Variants in RBMS3 observed in about 807,000 individuals in gnomAD.
RBMS3 encodes RNA-binding motif, single-stranded-interacting protein 3.
Under a neutral mutation model 66.8 loss-of-function variants are expected in RBMS3, and 27 were observed. The observed-to-expected ratio is 0.40, with a 90% CI of 0.30 to 0.56. The LOEUF (loss-of-function observed/expected upper bound fraction) is 0.56. Among genes scored for constraint, RBMS3 ranks in the 20% least tolerant of loss-of-function variants. The pLI is 0.40. For missense variants in RBMS3, 513 were observed against 549.5 expected, an observed-to-expected ratio of 0.93 and a Z score of 0.66; for synonymous variants, 188 against 183.0, an observed-to-expected ratio of 1.03 and a Z score of -0.22.
At chr3:29,968,671 C>T (rs1697025752) in intron 12 of RBMS3, among the ~76,000 whole-genome samples, 1 of 152,210 alleles carries the variant, frequency 6.6e-6, no homozygotes. Flanking sequence ...GTTCCCACTT[C>T]CTCAGTTGGG....
intron 1 of RBMS3, among the ~76,000 whole-genome samples, chr3:29,315,555 A>T (rs970141639): frequency 3.3e-5 from 5 of 151,750 alleles, no homozygotes; most frequent in Non-Finnish European, 5.9e-5. Context: ...TCAGTAACTT[A>T]CTTTTTTATC....
chr3:29,999,854 C>T (rs997883427), intron 14 of RBMS3, among the ~76,000 whole-genome samples: 1 of 151,938 alleles, frequency 6.6e-6, no homozygotes, highest in Non-Finnish European at 1.5e-5. Flanking sequence ...CACATGTGTA[C>T]ATATGTAACA....
intron 5 of RBMS3, among the ~76,000 whole-genome samples, chr3:29,755,817 C>T (rs2055386372): frequency 6.6e-6 from 1 of 152,144 alleles, no homozygotes; most frequent in Admixed American, 6.5e-5. Context: ...AATGGAAAAC[C>T]AGTAAACAAA....
At chr3:29,880,907 C>T (rs1577060758) in intron 7 of RBMS3, 1 of 1,315,242 alleles carries the variant, frequency 7.6e-7, no homozygotes, top group South Asian at 1.3e-5. Flanking sequence ...GGTACCTACT[C>T]TAGTTACTCA....
At chr3:29,346,479 C>G (rs906891410) in intron 1 of RBMS3, among the ~76,000 whole-genome samples, 3 of 139,092 alleles carry the variant, frequency 2.2e-5, no homozygotes, top group Non-Finnish European at 4.5e-5. Context: ...TCTCAGCTCA[C>G]TGCAACCTCC....
chr3:29,622,627 G>A (rs1459174613), intron 4 of RBMS3, among the ~76,000 whole-genome samples: 1 of 152,170 alleles, frequency 6.6e-6, no homozygotes, highest in Non-Finnish European at 1.5e-5. Context: ...CATTGTCTAG[G>A]AGAGGACCTG....
chr3:29,802,670 TTTAC>T (rs2057426775), intron 6 of RBMS3, among the ~76,000 whole-genome samples: 1 of 152,210 alleles, frequency 6.6e-6, no homozygotes, highest in Admixed American at 6.5e-5. Flanking sequence ...TGCTACTTAT[TTTAC>T]TTTTAGTCTA....
At chr3:29,844,198 A>G (rs1329030243) in intron 6 of RBMS3, among the ~76,000 whole-genome samples, 1 of 152,164 alleles carries the variant, frequency 6.6e-6, no homozygotes, top group Non-Finnish European at 1.5e-5. Flanking sequence ...AAATAACTGA[A>G]CATTTTTACT....
At chr3:29,596,703 G>A (rs181116532) in intron 4 of RBMS3, among the ~76,000 whole-genome samples, 105 of 152,260 alleles carry the variant, frequency 6.9e-4, no homozygotes, top group South Asian at 2.9e-3. Context: ...TCTCTTCAGC[G>A]GAGCTTGGCT....
chr3:29,606,006 A>G (rs555666228), intron 4 of RBMS3, among the ~76,000 whole-genome samples: 2 of 149,668 alleles, frequency 1.3e-5, no homozygotes, highest in East Asian at 3.9e-4. Context: ...AAGTGTATAT[A>G]TATCTTATGA....
chr3:29,394,965 A>T (rs762670683), intron 1 of RBMS3, among the ~76,000 whole-genome samples: 1 of 152,134 alleles, frequency 6.6e-6, no homozygotes, highest in Non-Finnish European at 1.5e-5. Flanking sequence ...AGTTCAATCG[A>T]GTCTGCTCTG....
intron 5 of RBMS3, among the ~76,000 whole-genome samples, chr3:29,762,220 C>T (rs12715160): frequency 0.48 from 72,825 of 151,890 alleles, 18,038 homozygotes; most frequent in African/African-American, 0.6. Flanking sequence ...ATTGAGAAAG[C>T]ATAGAACCTA....
At chr3:29,842,131 G>T (rs9846015) in intron 6 of RBMS3, among the ~76,000 whole-genome samples, 2,294 of 152,122 alleles carry the variant, frequency 0.015, 50 homozygotes, top group African/African-American at 0.051. Flanking sequence ...AGTAAAATGA[G>T]GTTCCTAAGT....
chr3:29,512,688 C>A (rs1242396300), intron 3 of RBMS3, among the ~76,000 whole-genome samples: 1 of 152,234 alleles, frequency 6.6e-6, no homozygotes, highest in African/African-American at 2.4e-5. Context: ...CAAAAAGCGG[C>A]GGTGGTACAG....
intron 1 of RBMS3, among the ~76,000 whole-genome samples, chr3:29,359,507 C>A (rs150604360): frequency 6.6e-6 from 1 of 152,048 alleles, no homozygotes; most frequent in African/African-American, 2.4e-5. Context: ...CTAAAATTCT[C>A]TTTTTTTGTT....
chr3:29,891,553 T>C (rs1195312248), intron 8 of RBMS3, among the ~76,000 whole-genome samples: 1 of 151,548 alleles, frequency 6.6e-6, no homozygotes, highest in Non-Finnish European at 1.5e-5. Flanking sequence ...TGAAATTCCA[T>C]CCCTTTGAAA....
intron 14 of RBMS3, among the ~76,000 whole-genome samples, chr3:29,995,121 A>G (rs1219728657): frequency 2.0e-5 from 3 of 152,262 alleles, no homozygotes; most frequent in African/African-American, 7.2e-5. Context: ...AACTACGTGA[A>G]GAATGCAGAA....
At chr3:29,929,320 T>C (rs1487796776) in intron 10 of RBMS3, among the ~76,000 whole-genome samples, 2 of 152,204 alleles carry the variant, frequency 1.3e-5, no homozygotes. Flanking sequence ...CTTGTTTCTG[T>C]AGTTTTAGGC....
intron 4 of RBMS3, among the ~76,000 whole-genome samples, chr3:29,710,560 A>G (rs938919566): frequency 6.6e-6 from 1 of 152,130 alleles, no homozygotes; most frequent in African/African-American, 2.4e-5. Context: ...TACTCTTTCC[A>G]ATATACTGAA....
Sources: allele counts gnomAD v4.1 joint callset (sites outside exome capture counted in the v4.1 genomes callset), GRCh38; gene constraint gnomAD v4.1.1; transcripts MANE v1.5; gene names NCBI Gene and HGNC (gene_info 2026-07-23, HGNC 2026-07-21).